NCK2: variants seen among roughly 807,000 people sequenced by gnomAD.
The protein encoded by NCK2 is NCK adaptor protein 2.
NCK2 carries 16 observed loss-of-function variants against 33.9 expected under a neutral mutation model. The observed-to-expected ratio is 0.47, with a 90% CI of 0.32 to 0.72. The LOEUF is 0.72. Among genes scored for constraint, NCK2 ranks in the 30% least tolerant of loss-of-function variants. The pLI, the probability that NCK2 is intolerant of heterozygous loss-of-function variation, is 0.03. For missense variants in NCK2, 418 were observed against 537.3 expected (o/e 0.78, Z 2.19); for synonymous variants, 273 against 239.9 (o/e 1.14, Z -1.27).
intron 3 of NCK2, among the ~76,000 whole-genome samples, chr2:105,880,049 C>G (rs2104655249): frequency 6.6e-6 from 1 of 152,284 alleles, no homozygotes; most frequent in Non-Finnish European, 1.5e-5. Flanking sequence ...GCTTTCCTCT[C>G]CTAGAATGTT....
At chr2:105,799,183 T>C (rs1281064026) in intron 1 of NCK2, among the ~76,000 whole-genome samples, 1 of 152,176 alleles carries the variant, frequency 6.6e-6, no homozygotes, top group Non-Finnish European at 1.5e-5. Flanking sequence ...CTATCTGTGG[T>C]ATATTTTATC....
intron 1 of NCK2, among the ~76,000 whole-genome samples, chr2:105,747,959 T>C (rs551419572): frequency 2.7e-5 from 4 of 149,834 alleles, no homozygotes; most frequent in African/African-American, 1.0e-4. Context: ...TTAGACTCTT[T>C]TCTTTTCCTG....
chr2:105,835,405 A>ATATATATATATATATATATATATATGTG (rs70953537), intron 2 of NCK2, among the ~76,000 whole-genome samples: 2 of 37,968 alleles, frequency 5.3e-5, no homozygotes, highest in Non-Finnish European at 1.4e-4. Flanking sequence ...ATATATATAT[A>ATATATATATATATATATATATATATGTG]CGTGTATATA....
chr2:105,753,780 G>A (rs1689525417), intron 1 of NCK2, among the ~76,000 whole-genome samples: 1 of 152,220 alleles, frequency 6.6e-6, no homozygotes, highest in Non-Finnish European at 1.5e-5. Flanking sequence ...TGAAAACCTT[G>A]TAGCAGGACA....
intron 1 of NCK2, among the ~76,000 whole-genome samples, chr2:105,773,646 G>A (rs1295287353): frequency 2.0e-5 from 3 of 152,072 alleles, no homozygotes; most frequent in Non-Finnish European, 2.9e-5. Flanking sequence ...GAGCATCCTG[G>A]TTTATGGATA....
chr2:105,847,444 T>C (rs1410803978), intron 2 of NCK2: 5 of 152,200 alleles, frequency 3.3e-5, no homozygotes, highest in Non-Finnish European at 2.9e-5. Context: ...TGTACTATAA[T>C]TACTGTTTAA....
chr2:105,862,860 G>A (rs978492293), intron 3 of NCK2, among the ~76,000 whole-genome samples: 1 of 152,206 alleles, frequency 6.6e-6, no homozygotes, highest in African/African-American at 2.4e-5. Context: ...GTGGTTTAGA[G>A]ACTACCCTAG....
At chr2:105,847,447 C>T (rs1676895658) in intron 2 of NCK2, 1 of 152,000 alleles carries the variant, frequency 6.6e-6, no homozygotes, top group African/African-American at 2.4e-5. Context: ...ACTATAATTA[C>T]TGTTTAAGCA....
At chr2:105,777,158 C>T (rs762223890) in intron 1 of NCK2, among the ~76,000 whole-genome samples, 2 of 152,128 alleles carry the variant, frequency 1.3e-5, no homozygotes, top group Non-Finnish European at 2.9e-5. Flanking sequence ...GCGGCTGTCA[C>T]TGGGCACTCC....
intron 1 of NCK2, among the ~76,000 whole-genome samples, chr2:105,795,862 C>T (rs563943783): frequency 8.5e-5 from 13 of 152,292 alleles, no homozygotes; most frequent in African/African-American, 2.6e-4. Context: ...TCATCTTCCA[C>T]GCACCCTCCC....
rs147556683 is a variant in NCK2, at chr2:105,832,197, A to G, written c.-17+15584A>G. Among the ~76,000 whole-genome samples, 580 of 152,320 alleles carry G rather than the reference A, an allele frequency of 3.8e-3. 2 individuals are homozygous for G. Among genetic ancestry groups the G allele is most frequent in the Non-Finnish European group, 6.9e-3 (466 of 68,020 alleles). On this transcript the variant is annotated intron_variant, in intron 2 of 4. Coordinates refer to ENST00000233154, the MANE Select transcript of NCK2 (RefSeq NM_003581.5). The stretch of plus-strand genomic sequence containing the variant: ...TAGTTTGTTATTGGTATATAGAAGA[A>G]ACACTACTGATTTTTGTATGTTGAT...
At chr2:105,859,308 G>T (rs1325637182) in intron 3 of NCK2, among the ~76,000 whole-genome samples, 1 of 152,148 alleles carries the variant, frequency 6.6e-6, no homozygotes, top group Non-Finnish European at 1.5e-5. Flanking sequence ...TACCCAAAAA[G>T]TTACGGTTCC....
chr2:105,885,968 T>C (rs1241603119), intron 4 of NCK2, among the ~76,000 whole-genome samples: 1 of 152,200 alleles, frequency 6.6e-6, no homozygotes, highest in Non-Finnish European at 1.5e-5. Context: ...ATTTGCTGTG[T>C]TTCTGCTGAT....
chr2:105,887,784 T>C (rs1398206877), intron 4 of NCK2, among the ~76,000 whole-genome samples: 1 of 152,164 alleles, frequency 6.6e-6, no homozygotes, highest in East Asian at 1.9e-4. Context: ...AGGACATCTG[T>C]TTTATAAAAC....
At chr2:105,766,773 C>G (rs555076077) in intron 1 of NCK2, among the ~76,000 whole-genome samples, 3 of 152,228 alleles carry the variant, frequency 2.0e-5, no homozygotes, top group South Asian at 2.1e-4. Context: ...ACTCGGCTAT[C>G]CCTCCATCTT....
intron 2 of NCK2, among the ~76,000 whole-genome samples, chr2:105,832,601 A>G (rs1197907214): frequency 1.3e-5 from 2 of 151,600 alleles, no homozygotes; most frequent in Non-Finnish European, 2.9e-5. Context: ...TATCACATTT[A>G]TTGATTTGCA....
chr2:105,782,386 T>C (rs1690529179), intron 1 of NCK2, among the ~76,000 whole-genome samples: 1 of 152,196 alleles, frequency 6.6e-6, no homozygotes, highest in Admixed American at 6.5e-5. Context: ...TTCCACTCTC[T>C]CCACAGCAGG....
At chr2:105,787,652 G>A (rs1259364630) in intron 1 of NCK2, among the ~76,000 whole-genome samples, 1 of 152,138 alleles carries the variant, frequency 6.6e-6, no homozygotes, top group Non-Finnish European at 1.5e-5. Flanking sequence ...AGCTACCTCA[G>A]TCTCTCCCTG....
intron 2 of NCK2, among the ~76,000 whole-genome samples, chr2:105,850,994 C>T (rs1417583955): frequency 1.3e-5 from 2 of 152,208 alleles, no homozygotes; most frequent in African/African-American, 4.8e-5. Context: ...CAACAAGACC[C>T]TCCAGATGGG....
Sources: gnomAD v4.1 joint callset for allele counts (sites outside exome capture counted in the v4.1 genomes callset) on GRCh38, gnomAD v4.1.1 for gene constraint, MANE v1.5 for transcripts, NCBI Gene and HGNC (gene_info 2026-07-23, HGNC 2026-07-21) for gene names.